MAP3K4: variants seen among roughly 807,000 people sequenced by gnomAD.
MAP3K4 encodes MAP three kinase 1.
In MAP3K4, 67 loss-of-function variants were observed where a neutral mutation model predicts 185.6. The observed-to-expected ratio is 0.36, with a 90% CI of 0.30 to 0.44. The LOEUF (loss-of-function observed/expected upper bound fraction) is 0.44. MAP3K4 is among the 20% of genes least tolerant of loss of function. The pLI, the probability that MAP3K4 is intolerant of heterozygous loss-of-function variation, is 1.00. For synonymous variants in MAP3K4, 702 were observed against 710.4 expected (o/e 0.99, Z 0.19); for missense variants, 1,551 against 1,995.1 (o/e 0.78, Z 4.24).
At position 161,073,452 on chromosome 6, in the gene MAP3K4, G is replaced by A; in HGVS notation, c.1951-14G>A. ...AGTTTATGGCTGCTGGAACCTGTGTGTGTTGTTTTGCAGCTGGTGAGAGAG... is the reference window on the plus strand; with the variant it reads ...AGTTTATGGCTGCTGGAACCTGTGTATGTTGTTTTGCAGCTGGTGAGAGAG... On this transcript the variant is annotated splice_polypyrimidine_tract_variant and intron_variant, in intron 4 of 26. Transcript: ENST00000392142. This position sits in a 1 kb window ranked among gnomAD's most constrained non-coding sequence, Gnocchi z 4.2. 2 of 1,577,398 alleles carry A rather than the reference G, an allele frequency of 1.3e-6. No homozygotes were observed. Among genetic ancestry groups the A allele is most frequent in the Non-Finnish European group, 1.7e-6 (2 of 1,161,328 alleles).
At position 161,102,123 on chromosome 6, in the gene MAP3K4, G is replaced by A; in HGVS notation, c.3775+131G>A. 2 of 665,718 alleles carry A rather than the reference G, an allele frequency of 3.0e-6. 1 individual carries two copies. Among genetic ancestry groups the A allele is most frequent in the South Asian group, 4.1e-5 (2 of 48,270 alleles). The allele number at this position is 665,718 out of a possible 1,614,324, so 41.2% of individuals were successfully genotyped here. On this transcript the variant is annotated intron_variant, in intron 18 of 26. Transcript: ENST00000392142. ...TTTTTTTGGTCCTTTCTAAAGGAAT[G>A]AAGAGTAAGAAGCACAGAGCTTTAT...
intron 3 of MAP3K4, among the ~76,000 whole-genome samples, chr6:161,069,054 T>C (rs1303054499): frequency 6.6e-6 from 1 of 152,222 alleles, no homozygotes; most frequent in Non-Finnish European, 1.5e-5. Context: ...TAATGTTATA[T>C]GTAGTATGTT....
intron 1 of MAP3K4, among the ~76,000 whole-genome samples, chr6:161,024,802 T>C (rs1782563905): frequency 6.6e-6 from 1 of 152,216 alleles, no homozygotes; most frequent in African/African-American, 2.4e-5. Context: ...TACTTTTTTT[T>C]CCACCTTTCT....
At position 161,116,572 on chromosome 6, in the gene MAP3K4, T is replaced by G. The variant is rs1287542770; in HGVS notation, c.4807-278T>G. On this transcript the variant is annotated intron_variant, in intron 26 of 26. Coordinates refer to ENST00000392142, the MANE Select transcript of MAP3K4 (RefSeq NM_005922.4). This position sits in a 1 kb window ranked among gnomAD's most constrained non-coding sequence, Gnocchi z 6.2. The stretch of plus-strand genomic sequence containing the variant: ...TTGTAATTAAATAACAATTTATGTC[T>G]TAGTTATGAAGTGCATAACAATTTA... Among the ~76,000 whole-genome samples, 1 of 152,214 alleles carries G rather than the reference T, an allele frequency of 6.6e-6. No homozygotes were observed. The highest frequency in any genetic ancestry group is 1.9e-4 in the East Asian group (1 of 5,196).
In MAP3K4 at chr6:161,100,374, A is replaced by T. The variant is rs1777786364; in HGVS notation, c.3675-1518A>T. ...CGTCTTACAGATACATCAAAGTTCA[A>T]CTTCACTTGACCCTAGAGGTTTCAA... On this transcript the variant is annotated intron_variant, in intron 17 of 26. Transcript: ENST00000392142. This position sits in a 1 kb window ranked among gnomAD's most constrained non-coding sequence, Gnocchi z 5.8. Among the ~76,000 whole-genome samples the T allele has an allele frequency of 6.6e-6, 1 of 152,194 alleles. No homozygotes were observed. The highest frequency in any genetic ancestry group is 2.1e-4 in the South Asian group (1 of 4,824).
Position 161,103,772 on chromosome 6 carries a change from T to C in MAP3K4, c.3856+993T>C, listed in dbSNP as rs1268751233. Reference sequence around the variant, plus strand: ...CTGCTAGCCAGAATTGAGGAGAAAGTGGGCAGATTGGTTAAAATGCCATTG... The same window carrying C: ...CTGCTAGCCAGAATTGAGGAGAAAGCGGGCAGATTGGTTAAAATGCCATTG... On this transcript the variant is annotated intron_variant, in intron 19 of 26. Coordinates refer to ENST00000392142, the MANE Select transcript of MAP3K4 (RefSeq NM_005922.4). The surrounding 1 kb of genome is among the most constrained non-coding windows in gnomAD (Gnocchi z 4.6). Among the ~76,000 whole-genome samples, 1 of 152,184 alleles carries C rather than the reference T, an allele frequency of 6.6e-6. No individual in the cohort carries two copies. Among genetic ancestry groups the C allele is most frequent in the Non-Finnish European group, 1.5e-5 (1 of 68,036 alleles).
rs1194151850 is a variant in MAP3K4 at position 161,064,003 on chromosome 6, G to A, written c.1708-6605G>A. Among the ~76,000 whole-genome samples the A allele has an allele frequency of 6.6e-6, 1 of 152,084 alleles. No homozygotes were observed. Among genetic ancestry groups the A allele is most frequent in the Non-Finnish European group, 1.5e-5 (1 of 68,008 alleles). On this transcript the variant is annotated intron_variant, in intron 3 of 26. Coordinates refer to ENST00000392142, the MANE Select transcript of MAP3K4 (RefSeq NM_005922.4). The surrounding 1 kb of genome is among the most constrained non-coding windows in gnomAD (Gnocchi z 4.3). Reference sequence around the variant, plus strand: ...TTTCATCTAGTTTTGTTGGAGGTTTGTCTCACAGAGTTTTGGTTTTGCTGT... The same window carrying A: ...TTTCATCTAGTTTTGTTGGAGGTTTATCTCACAGAGTTTTGGTTTTGCTGT...
rs1296257739 is a variant in MAP3K4, at chr6:161,034,474, T to C, written c.343+25T>C. ...GGTGAGTCTTGTACTTGAAAAGAGG[T>C]GTACATGAGAGGGTATGGCACTTGA... On this transcript the variant is annotated intron_variant, in intron 2 of 26. Transcript: ENST00000392142. This position sits in a 1 kb window ranked among gnomAD's most constrained non-coding sequence, Gnocchi z 4.4. 1.3e-6 allele frequency: 2 copies of C among 1,593,378 alleles called. No individual in the cohort carries two copies. The highest frequency in any genetic ancestry group is 1.7e-6 in the Non-Finnish European group (2 of 1,163,474).
In MAP3K4 at chr6:160,996,809, A is replaced by G. The variant is rs775812494; in HGVS notation, c.152+4726A>G. The stretch of plus-strand genomic sequence containing the variant: ...TTAGTCAGTGTATTCTCTTGCTTGT[A>G]GAAAGCCAAAGTATAATTAAGAGAT... On this transcript the variant is annotated intron_variant, in intron 1 of 26. Coordinates refer to ENST00000392142, the MANE Select transcript of MAP3K4 (RefSeq NM_005922.4). This position sits in a 1 kb window ranked among gnomAD's most constrained non-coding sequence, Gnocchi z 4.5. Among the ~76,000 whole-genome samples the G allele has an allele frequency of 1.3e-5, 2 of 152,194 alleles. No individual in the cohort carries two copies. Among genetic ancestry groups the G allele is most frequent in the Non-Finnish European group, 2.9e-5 (2 of 68,036 alleles).
intron 3 of MAP3K4, among the ~76,000 whole-genome samples, chr6:161,057,808 A>G (rs770294964): frequency 6.6e-5 from 10 of 152,362 alleles, no homozygotes; most frequent in Middle Eastern, 6.8e-3. Context: ...TGAATGACAC[A>G]CTAACAAGCA....
At chr6:161,020,844 A>G (rs1337536104) in intron 1 of MAP3K4, among the ~76,000 whole-genome samples, 1 of 152,176 alleles carries the variant, frequency 6.6e-6, no homozygotes, top group East Asian at 1.9e-4. Flanking sequence ...ACACTGTTAG[A>G]CATTTCTTTT....
At position 161,112,765 on chromosome 6, in the gene MAP3K4, G is replaced by A. The variant is rs1419304529; in HGVS notation, c.4617G>A (p.Val1539=). The A allele has an allele frequency of 6.3e-7, 1 of 1,599,436 alleles. No individual in the cohort carries two copies. The highest frequency in any genetic ancestry group is 8.5e-7 in the Non-Finnish European group (1 of 1,174,040). The part of the protein sequence containing the change: ...WSLGCVVIEM[V]TGKRPWHEYE... ...TGGGGTGTGTTGTCATAGAGATGGT[G>A]ACTGGCAAGGTAAGCGGAGCCCCCA... The change falls in exon 25 of 27, where the codon GTG becomes GTA. Residue 1539 remains valine, a synonymous_variant. Transcript: ENST00000392142. The surrounding 1 kb of genome is among the most constrained non-coding windows in gnomAD (Gnocchi z 5.1).
chr6:161,090,053 G>C (rs974752116), intron 11 of MAP3K4, among the ~76,000 whole-genome samples: 1 of 152,172 alleles, frequency 6.6e-6, no homozygotes. Context: ...CAGGCCATCA[G>C]TTATGTCTTC....
At chr6:161,005,023 A>G (rs988243673) in intron 1 of MAP3K4, among the ~76,000 whole-genome samples, 15 of 152,342 alleles carry the variant, frequency 9.8e-5, no homozygotes, top group South Asian at 4.1e-4. Flanking sequence ...AAAACCACCA[A>G]ACTTATCCAG....
chr6:161,012,266 A>G (rs75018071), intron 1 of MAP3K4, among the ~76,000 whole-genome samples: 2 of 152,108 alleles, frequency 1.3e-5, no homozygotes, highest in Non-Finnish European at 2.9e-5. Flanking sequence ...TCTCAGCTCC[A>G]TTCCTTTGTA....
chr6:161,086,746 G>A lies in MAP3K4; in HGVS notation c.2556+79G>A. On this transcript the variant is annotated intron_variant, in intron 9 of 26. Coordinates refer to ENST00000392142, the MANE Select transcript of MAP3K4 (RefSeq NM_005922.4). This position sits in a 1 kb window ranked among gnomAD's most constrained non-coding sequence, Gnocchi z 4.8. Reference sequence around the variant, plus strand: ...AAAACAGGCAGACTTTTTCTTGAAGGTCCAGATAGTAAATATTACAGGCTC... The same window carrying A: ...AAAACAGGCAGACTTTTTCTTGAAGATCCAGATAGTAAATATTACAGGCTC... 1 of 1,132,282 alleles carries A rather than the reference G, an allele frequency of 8.8e-7. No homozygotes were observed. Among genetic ancestry groups the A allele is most frequent in the Admixed American group, 2.0e-5 (1 of 49,000 alleles). The allele number at this position is 1,132,282 out of a possible 1,614,324, so 70.1% of individuals were successfully genotyped here. A position where few individuals can be genotyped will look rare whatever the true frequency, so the allele number is the denominator to read the frequency against.
rs1411375009 is a variant in MAP3K4 at position 161,056,297 on chromosome 6, AATTGT to A, written c.1707+6322_1707+6326del. On this transcript the variant is annotated intron_variant, in intron 3 of 26. Coordinates refer to ENST00000392142, the MANE Select transcript of MAP3K4 (RefSeq NM_005922.4). The surrounding 1 kb of genome is among the most constrained non-coding windows in gnomAD (Gnocchi z 5.4). ...GGAGCTCTGGTTCCTTTTACTGGATAATTGTATTTAGAAATGAAGATGTGGGCACT... is the reference window on the plus strand; with the variant it reads ...GGAGCTCTGGTTCCTTTTACTGGATAATTTAGAAATGAAGATGTGGGCACT... Among the ~76,000 whole-genome samples the A allele has an allele frequency of 6.6e-6, 1 of 152,106 alleles. No individual in the cohort carries two copies. Among genetic ancestry groups the A allele is most frequent in the African/African-American group, 2.4e-5 (1 of 41,392 alleles).
At chr6:161,004,088 A>G (rs1781460136) in intron 1 of MAP3K4, among the ~76,000 whole-genome samples, 2 of 129,662 alleles carry the variant, frequency 1.5e-5, no homozygotes, top group African/African-American at 5.4e-5. Context: ...AGAGAAAGAG[A>G]TTCTGTAAGT....
chr6:161,059,129 CATTG>C (rs1227931754), intron 3 of MAP3K4, among the ~76,000 whole-genome samples: 3 of 138,844 alleles, frequency 2.2e-5, no homozygotes, highest in African/African-American at 7.8e-5. Flanking sequence ...AATGTTATTT[CATTG>C]ATTGATTGAT....
Sources: allele counts gnomAD v4.1 joint callset (sites outside exome capture counted in the v4.1 genomes callset), GRCh38; gene constraint gnomAD v4.1.1; non-coding constraint Gnocchi (gnomAD v3.1); transcripts MANE v1.5; gene names NCBI Gene and HGNC (gene_info 2026-07-23, HGNC 2026-07-21).